The following CLIP1 variants were observed in gnomAD, a reference collection of about 807,000 sequenced individuals.
CLIP1 encodes CAP-Gly domain containing linker protein 1.
Under a neutral mutation model 161.6 loss-of-function variants are expected in CLIP1, and 66 were observed. That is an observed-to-expected ratio of 0.41 (90% CI 0.33 to 0.50). The LOEUF is 0.50. CLIP1 is among the 20% of genes least tolerant of loss of function. The probability of loss-of-function intolerance (pLI) is 0.27; values close to 1 mark genes in which losing one functional copy is unlikely to be tolerated. For missense variants in CLIP1, 1,376 were observed against 1,702.0 expected, an observed-to-expected ratio of 0.81 and a Z score of 3.37; for synonymous variants, 598 against 626.2, an observed-to-expected ratio of 0.96 and a Z score of 0.67.
chr12:122,379,022 G>A (rs1284296423), intron 2 of CLIP1, among the ~76,000 whole-genome samples: 2 of 151,694 alleles, frequency 1.3e-5, no homozygotes, highest in African/African-American at 4.8e-5. Context: ...CTACTCGGGA[G>A]GCTGAGGCAG....
chr12:122,334,769 T>A, intron 12 of CLIP1, 64 bp from the exon 13 acceptor site: 1 of 1,027,772 alleles, frequency 9.7e-7, no homozygotes, highest in Non-Finnish European at 1.5e-6. Context: ...AAGAAGTTTC[T>A]ATCAATTATA....
chr12:122,281,055 G>T (rs2136235257), intron 21 of CLIP1, among the ~76,000 whole-genome samples: 1 of 152,336 alleles, frequency 6.6e-6, no homozygotes, highest in East Asian at 1.9e-4. Context: ...CGGCACACAA[G>T]TTACAGAAAT....
chr12:122,333,152 A>G lies in CLIP1; in HGVS notation c.2711-9T>C. On this transcript the variant is annotated splice_polypyrimidine_tract_variant and intron_variant, in intron 14 of 25. Coordinates refer to ENST00000620786, the MANE Select transcript of CLIP1 (RefSeq NM_001247997.2). The stretch of plus-strand genomic sequence containing the variant: ...AAATTTTGCCTCCATATCTAAATAT[A>G]TAGAGAAAAAAAGAATAGCACGGCT... 1.2e-6 allele frequency: 2 copies of G among 1,600,686 alleles called. No individual in the cohort carries two copies. The highest frequency in any genetic ancestry group is 8.5e-7 in the Non-Finnish European group (1 of 1,172,222).
chr12:122,421,006 C>T (rs1261956852), intron 1 of CLIP1, among the ~76,000 whole-genome samples: 1 of 150,056 alleles, frequency 6.7e-6, no homozygotes, highest in East Asian at 2.0e-4. Flanking sequence ...CCACAGATTC[C>T]CTATACTAAT....
At chr12:122,363,421 G>C (rs1953969213) in intron 4 of CLIP1, among the ~76,000 whole-genome samples, 1 of 151,942 alleles carries the variant, frequency 6.6e-6, no homozygotes, top group Admixed American at 6.6e-5. Context: ...GAATCCAGAA[G>C]GGGGAGGTTG....
At chr12:122,364,992 AC>A (rs1224246615) in intron 3 of CLIP1, 2 of 405,274 alleles carry the variant, frequency 4.9e-6, no homozygotes, top group African/African-American at 4.3e-5. Flanking sequence ...AGGACAAAAA[AC>A]CAAACACCGC....
chr12:122,338,028 A>AC (rs1555267372), intron 11 of CLIP1, among the ~76,000 whole-genome samples: 3 of 149,872 alleles, frequency 2.0e-5, no homozygotes, highest in African/African-American at 7.4e-5. Flanking sequence ...AAAAAAAAAA[A>AC]CAAAACCAAA....
chr12:122,318,794 C>T (rs970742512), intron 18 of CLIP1, among the ~76,000 whole-genome samples: 4 of 151,914 alleles, frequency 2.6e-5, no homozygotes, highest in Non-Finnish European at 4.4e-5. Flanking sequence ...GTCCCTGCTC[C>T]AAAAGTGACT....
At position 122,319,254 on chromosome 12, in the gene CLIP1, G is replaced by A; in HGVS notation, c.3344C>T (p.Thr1115Ile). ...TLASLEDTKQ[T>I]NAKLQNELDT... ...TACTTCATTCTGTAGTTTTGCATTT[G>A]TTTGCTTGGTGTCCTCCAAGGAGGC... The change falls in exon 18 of 26, where the codon ACA becomes ATA. Residue 1115 changes from threonine (T) to isoleucine (I), a missense_variant. Thr to Ile is a moderately conservative substitution (Grantham distance 89). This residue lies in a region of CLIP1 where 948 missense variants were observed against 1,134.8 expected (regional missense o/e 0.84). Transcript: ENST00000620786. 6.2e-7 allele frequency: 1 copy of A among 1,612,226 alleles called. No individual in the cohort carries two copies. The highest frequency in any genetic ancestry group is 8.5e-7 in the Non-Finnish European group (1 of 1,178,236).
Position 122,273,233 on chromosome 12 carries a change from C to T in CLIP1, c.4092-133G>A, listed in dbSNP as rs143200132. On this transcript the variant is annotated intron_variant, in intron 25 of 25. Coordinates refer to ENST00000620786, the MANE Select transcript of CLIP1 (RefSeq NM_001247997.2). ...CTGTGAGCTTCCAGTATAAGTAGTG[C>T]ATTATCCCACATTTAAAGTATTTTT... The T allele has an allele frequency of 3.8e-4, 245 of 651,330 alleles. 1 individual carries two copies. The East Asian group carries it at 5.9e-3, about 16-fold the overall frequency. 40.3% of individuals were successfully genotyped at this position (651,330 alleles called of 1,614,324 possible). A position where few individuals can be genotyped will look rare whatever the true frequency, so the allele number is the denominator to read the frequency against.
chr12:122,354,430 AC>A (rs746087811), intron 7 of CLIP1, 22 bp downstream of exon 7: 10 of 1,591,726 alleles, frequency 6.3e-6, no homozygotes, highest in Non-Finnish European at 8.6e-6. Flanking sequence ...CCACACTTGC[AC>A]CAGGAAACAG....
intron 1 of CLIP1, among the ~76,000 whole-genome samples, chr12:122,397,717 G>A (rs916782153): frequency 5.9e-5 from 9 of 151,656 alleles, no homozygotes; most frequent in African/African-American, 2.2e-4. Flanking sequence ...CAGCACTTTG[G>A]GAGGCAGTCC....
rs145483708 is a variant in CLIP1, at chr12:122,377,557, G to C, written c.489C>G (p.Thr163=). The C allele has an allele frequency of 2.5e-6, 4 of 1,613,874 alleles. No individual in the cohort carries two copies. The African/African-American group carries it at 5.3e-5, about 22-fold the overall frequency. The change falls in exon 3 of 26, where the codon ACC becomes ACG. Residue 163 remains threonine, a synonymous_variant. Coordinates refer to ENST00000620786, the MANE Select transcript of CLIP1 (RefSeq NM_001247997.2). The part of the protein sequence containing the change: ...TASMVSSSPS[T]PSNIPQKPSQ... ...ATGGTTTCTGAGGGATGTTTGAAGG[G>C]GTGGAGGGGGAGGAAGACACCATGC...
chr12:122,403,303 A>C (rs1406834849), intron 1 of CLIP1, among the ~76,000 whole-genome samples: 2 of 152,178 alleles, frequency 1.3e-5, no homozygotes, highest in Non-Finnish European at 2.9e-5. Flanking sequence ...TGCTGGCAGC[A>C]CAAGGCACTG....
intron 15 of CLIP1, among the ~76,000 whole-genome samples, chr12:122,330,600 T>TTTTTTTTTTTGTTTTTTTTTTG (rs1951906432): frequency 2.2e-5 from 3 of 135,864 alleles, no homozygotes; most frequent in African/African-American, 8.8e-5. Context: ...TAATGCAGTT[T>TTTTTTTTTTTGTTTTTTTTTTG]TTTTTTTTTT....
chr12:122,387,264 CTT>C (rs896749578), intron 1 of CLIP1, among the ~76,000 whole-genome samples: 5 of 152,198 alleles, frequency 3.3e-5, no homozygotes, highest in African/African-American at 1.2e-4. Flanking sequence ...CTTTGAGACT[CTT>C]TTAGAGAATC....
chr12:122,407,168 T>C (rs545963320), intron 1 of CLIP1, among the ~76,000 whole-genome samples: 1 of 152,186 alleles, frequency 6.6e-6, no homozygotes, highest in Non-Finnish European at 1.5e-5. Flanking sequence ...AGAAGCAATG[T>C]GCTTAATATA....
intron 1 of CLIP1, among the ~76,000 whole-genome samples, chr12:122,412,060 C>CTT (rs71082989): frequency 0.013 from 1,044 of 81,580 alleles, 52 homozygotes; most frequent in African/African-American, 0.046. Flanking sequence ...CAGTTATTTT[C>CTT]TTTTTTTTTT....
At chr12:122,378,222 G>A (rs577459615) in intron 2 of CLIP1, among the ~76,000 whole-genome samples, 2 of 152,184 alleles carry the variant, frequency 1.3e-5, no homozygotes, top group African/African-American at 4.8e-5. Flanking sequence ...GAGTAGCTAG[G>A]ATTACAGATG....
Sources: gnomAD v4.1 joint callset for allele counts (sites outside exome capture counted in the v4.1 genomes callset) on GRCh38, gnomAD v4.1.1 for gene constraint, gnomAD v4.1.1 regional missense constraint, MANE v1.5 for transcripts, NCBI Gene and HGNC (gene_info 2026-07-23, HGNC 2026-07-21) for gene names.